RAD51B: variants seen among roughly 807,000 people sequenced by gnomAD.
RAD51B encodes the protein RAD51 paralog B, also known as DNA repair protein RAD51 homolog 2.
Under a neutral mutation model 42.2 loss-of-function variants are expected in RAD51B, and 38 were observed. That is an observed-to-expected ratio of 0.90 (90% CI 0.70 to 1.18). The LOEUF is 1.18. Ranked by LOEUF, RAD51B falls within the 50% of genes most tolerant of loss-of-function variation. The pLI is 0.00. For synonymous variants in RAD51B, 154 were observed against 145.2 expected (o/e 1.06, Z -0.43); for missense variants, 373 against 400.7 (o/e 0.93, Z 0.59).
chr14:68,295,633 G>A (rs1837300264), intron 8 of RAD51B, among the ~76,000 whole-genome samples: 1 of 152,136 alleles, frequency 6.6e-6, no homozygotes, highest in African/African-American at 2.4e-5. Flanking sequence ...CTGTTGGGGT[G>A]GAAGAGATCT....
At chr14:68,141,846 T>G (rs1173168551) in intron 7 of RAD51B, among the ~76,000 whole-genome samples, 1 of 152,184 alleles carries the variant, frequency 6.6e-6, no homozygotes, top group African/African-American at 2.4e-5. Flanking sequence ...TTATCCTTTA[T>G]CTCAGGTGTC....
intron 5 of RAD51B, among the ~76,000 whole-genome samples, chr14:67,873,825 A>C (rs568139458): frequency 0.015 from 2,141 of 146,212 alleles, 58 homozygotes; most frequent in African/African-American, 0.051. Flanking sequence ...ATTCTCAGTA[A>C]ACTATCACAA....
At position 68,561,892 on chromosome 14, in the gene RAD51B, T is replaced by C. The variant is rs1412759938; in HGVS notation, c.1037-32593T>C. 5.5e-6 allele frequency: 5 copies of C among 911,166 alleles called. No homozygotes were observed. In the African/African-American group the frequency reaches 7.2e-5, roughly 13 times the overall value. The allele number at this position is 911,166 out of a possible 1,614,324, so 56.4% of individuals were successfully genotyped here. A position where few individuals can be genotyped will look rare whatever the true frequency, so the allele number is the denominator to read the frequency against. ...CTGCTGGAAAAGGAGGACAACAGTC[T>C]TCCATGCAGAGGGCGAGTGGGAGGA... On this transcript the variant is annotated intron_variant, in intron 10 of 10. Coordinates refer to the RAD51B transcript ENST00000487270.
chr14:68,182,493 TTC>T (rs747218562), intron 7 of RAD51B, among the ~76,000 whole-genome samples: 1 of 152,220 alleles, frequency 6.6e-6, no homozygotes, highest in Non-Finnish European at 1.5e-5. Context: ...ATATTCCAGT[TTC>T]TGATTATGGG....
intron 7 of RAD51B, among the ~76,000 whole-genome samples, chr14:68,139,827 C>T (rs1428101450): frequency 1.3e-5 from 2 of 152,218 alleles, no homozygotes; most frequent in African/African-American, 4.8e-5. Context: ...CACTAGGCAC[C>T]CTCAGATAAG....
intron 7 of RAD51B, among the ~76,000 whole-genome samples, chr14:67,992,227 A>C (rs530697578): frequency 2.1e-4 from 32 of 152,340 alleles, no homozygotes; most frequent in Admixed American, 1.3e-3. Context: ...GAAGCCTATA[A>C]GGAGTCATAA....
chr14:68,065,874 C>T (rs2076641939), intron 7 of RAD51B, among the ~76,000 whole-genome samples: 1 of 152,020 alleles, frequency 6.6e-6, no homozygotes, highest in South Asian at 2.1e-4. Context: ...TGGGAACTCT[C>T]ATATACTTCT....
chr14:68,248,105 C>A lies in RAD51B; in HGVS notation c.757-43779C>A, dbSNP rs1263750953. Among the ~76,000 whole-genome samples, 4 of 152,328 alleles carry A rather than the reference C, an allele frequency of 2.6e-5. No individual in the cohort carries two copies. The East Asian group carries it at 5.8e-4, about 22-fold the overall frequency. On this transcript the variant is annotated intron_variant, in intron 7 of 10. Coordinates refer to ENST00000471583, the MANE Select transcript of RAD51B (RefSeq NM_133510.4). Reference sequence around the variant, plus strand: ...ATTGGGACTCACACTCAGACCTTCACCCCAAGCCCATAGCTCATTTTATTA... The same window carrying A: ...ATTGGGACTCACACTCAGACCTTCAACCCAAGCCCATAGCTCATTTTATTA...
chr14:68,292,013 G>C, intron 8 of RAD51B, 33 bp downstream of exon 8: 1 of 1,552,320 alleles, frequency 6.4e-7, no homozygotes, highest in Non-Finnish European at 8.9e-7. Context: ...GCTGAAACTT[G>C]ACACTGACAT....
intron 7 of RAD51B, among the ~76,000 whole-genome samples, chr14:68,128,412 G>A (rs1198362607): frequency 6.6e-6 from 1 of 152,128 alleles, no homozygotes; most frequent in Non-Finnish European, 1.5e-5. Flanking sequence ...GGGGCTTATA[G>A]GCCAGGCACC....
chr14:68,030,394 G>A (rs370151556), intron 7 of RAD51B, among the ~76,000 whole-genome samples: 8 of 152,046 alleles, frequency 5.3e-5, no homozygotes, highest in Non-Finnish European at 8.8e-5. Context: ...ACTTTCTGCC[G>A]GTTTTATATC....
At chr14:68,105,760 C>T (rs1186067232) in intron 7 of RAD51B, among the ~76,000 whole-genome samples, 1 of 151,818 alleles carries the variant, frequency 6.6e-6, no homozygotes, top group Non-Finnish European at 1.5e-5. Context: ...TTTAAATTCT[C>T]TTCTTCAATG....
intron 8 of RAD51B, chr14:68,339,119 T>C (rs908137324): frequency 2.7e-5 from 19 of 698,146 alleles, no homozygotes; most frequent in Non-Finnish European, 4.4e-5. Context: ...TAACTCCTGC[T>C]CGAAGGACAG....
At chr14:68,549,438 C>T (rs1343169496) in intron 10 of RAD51B, among the ~76,000 whole-genome samples, 12 of 36,964 alleles carry the variant, frequency 3.2e-4, no homozygotes, top group Admixed American at 8.5e-4. Flanking sequence ...TTTTTTGAGA[C>T]GGAGTTTCGC....
intron 8 of RAD51B, among the ~76,000 whole-genome samples, chr14:68,346,688 A>G (rs2082684121): frequency 6.6e-6 from 1 of 151,996 alleles, no homozygotes; most frequent in African/African-American, 2.4e-5. Context: ...TGTCTTTTTC[A>G]CTGTCTCTGG....
At chr14:68,162,801 C>T (rs2078670233) in intron 7 of RAD51B, among the ~76,000 whole-genome samples, 1 of 149,926 alleles carries the variant, frequency 6.7e-6, no homozygotes. Flanking sequence ...CAAAACAAAA[C>T]AAAACAAACA....
chr14:67,840,876 A>G (rs2041404408), intron 4 of RAD51B, among the ~76,000 whole-genome samples: 1 of 150,614 alleles, frequency 6.6e-6, no homozygotes, highest in Non-Finnish European at 1.5e-5. Context: ...CTTTTGGCTC[A>G]CTGCAACCTC....
At chr14:67,831,388 C>T (rs1318871393) in intron 3 of RAD51B, among the ~76,000 whole-genome samples, 2 of 152,062 alleles carry the variant, frequency 1.3e-5, no homozygotes, top group African/African-American at 4.8e-5. Context: ...CTGAGTGATG[C>T]CAACAGTTAC....
intron 8 of RAD51B, among the ~76,000 whole-genome samples, chr14:68,335,584 T>C (rs1010105323): frequency 6.6e-6 from 1 of 152,178 alleles, no homozygotes; most frequent in Non-Finnish European, 1.5e-5. Context: ...GGTCTGACAA[T>C]GTGGGGAGTG....
Sources: allele counts gnomAD v4.1 joint callset (sites outside exome capture counted in the v4.1 genomes callset), GRCh38; gene constraint gnomAD v4.1.1; transcripts MANE v1.5; gene names NCBI Gene and HGNC (gene_info 2026-07-23, HGNC 2026-07-21).